Variants in SEC23A observed in about 807,000 individuals in gnomAD.
SEC23A encodes the protein protein transport protein Sec23A.
Under a neutral mutation model 103.7 loss-of-function variants are expected in SEC23A, and 56 were observed. That is an observed-to-expected ratio of 0.54 (90% CI 0.44 to 0.67). The LOEUF (loss-of-function observed/expected upper bound fraction) is 0.67, where lower values mean the gene tolerates loss of function less well. SEC23A is among the 30% of genes least tolerant of loss of function. The probability of loss-of-function intolerance (pLI) is 0.00; values close to 1 mark genes in which losing one functional copy is unlikely to be tolerated. For missense variants in SEC23A, 784 were observed against 936.4 expected, an observed-to-expected ratio of 0.84 and a Z score of 2.12; for synonymous variants, 281 against 293.0, an observed-to-expected ratio of 0.96 and a Z score of 0.42.
chr14:39,071,732 T>G (rs1158809683), intron 9 of SEC23A, among the ~76,000 whole-genome samples: 1 of 150,108 alleles, frequency 6.7e-6, no homozygotes, highest in African/African-American at 2.5e-5. Flanking sequence ...TTGGGCGTGG[T>G]GGCAGGCGCT....
intron 1 of SEC23A, among the ~76,000 whole-genome samples, chr14:39,096,588 GCA>G: frequency 6.6e-6 from 1 of 151,202 alleles, no homozygotes; most frequent in African/African-American, 2.4e-5. Flanking sequence ...AAATTAGCAA[GCA>G]ACTCATAACA....
chr14:39,070,951 C>T (rs1886821816), intron 9 of SEC23A, among the ~76,000 whole-genome samples: 1 of 152,084 alleles, frequency 6.6e-6, no homozygotes, highest in South Asian at 2.1e-4. Flanking sequence ...CACTTGAACC[C>T]AGGGGGCGGA....
At chr14:39,080,872 TA>T (rs199533039) in intron 7 of SEC23A, among the ~76,000 whole-genome samples, 8 of 148,874 alleles carry the variant, frequency 5.4e-5, no homozygotes, top group South Asian at 2.1e-4. Flanking sequence ...CCCTACAAGA[TA>T]AAAAAAAAAT....
chr14:39,064,691 C>G (rs1886596183), intron 11 of SEC23A: 1 of 545,696 alleles, frequency 1.8e-6, no homozygotes, highest in South Asian at 2.1e-5. Flanking sequence ...TAGGCTGCCA[C>G]CCCAAGTTTT....
At chr14:39,062,791 A>C (rs1041532631) in intron 12 of SEC23A, among the ~76,000 whole-genome samples, 1 of 152,088 alleles carries the variant, frequency 6.6e-6, no homozygotes, top group Non-Finnish European at 1.5e-5. Context: ...TTTTATGGCT[A>C]AAAACTATTA....
intron 14 of SEC23A, among the ~76,000 whole-genome samples, chr14:39,050,122 C>T (rs1373361093): frequency 2.0e-5 from 3 of 152,102 alleles, no homozygotes; most frequent in African/African-American, 4.8e-5. Flanking sequence ...ACTTGAGTCA[C>T]GAGGAGCAGT....
chr14:39,065,997 C>CAAAAAAAAAAAAAAAAAA (rs59260008), intron 10 of SEC23A, among the ~76,000 whole-genome samples: 16 of 80,496 alleles, frequency 2.0e-4, no homozygotes, highest in Admixed American at 4.3e-4. Context: ...AACTCCATCT[C>CAAAAAAAAAAAAAAAAAA]AAAAAAAAAA....
In SEC23A at chr14:39,041,197, C is replaced by T. The variant is rs1195946665; in HGVS notation, c.1987-310G>A. 2.3e-5 allele frequency: 5 copies of T among 219,734 alleles called. No homozygotes were observed. The East Asian group carries it at 4.9e-4, about 22-fold the overall frequency. 13.6% of individuals were successfully genotyped at this position (219,734 alleles called of 1,614,324 possible). A position where few individuals can be genotyped will look rare whatever the true frequency, so the allele number is the denominator to read the frequency against. ...TACCTAAGCTTATGATACGTGAAAG[C>T]AATTGAATCAATCCATAGGTAAGTA... On this transcript the variant is annotated intron_variant, in intron 17 of 19. Transcript: ENST00000307712.
chr14:39,083,810 C>A (rs1017338965), intron 7 of SEC23A, among the ~76,000 whole-genome samples: 25 of 151,748 alleles, frequency 1.6e-4, no homozygotes, highest in African/African-American at 6.0e-4. Context: ...AGAGATCCAC[C>A]CACCTCGGCC....
In SEC23A at chr14:39,094,426, ATATATATATATATATATTTTTTTT is replaced by A. The variant is rs1263580803; in HGVS notation, c.222-1206_222-1183del. Among the ~76,000 whole-genome samples, 377 of 49,680 alleles carry A rather than the reference ATATATATATATATATATTTTTTTT, an allele frequency of 7.6e-3. 58 individuals are homozygous for A. Among genetic ancestry groups the A allele is most frequent in the Middle Eastern group, 0.041 (3 of 74 alleles). 32.6% of individuals were successfully genotyped at this position (49,680 alleles called of 152,430 possible). A position where few individuals can be genotyped will look rare whatever the true frequency, so the allele number is the denominator to read the frequency against. ...TATATATATATATATATATATATAT[ATATATATATATATATATTTTTTTT>A]TTTTTTTTTTCCCCTCCTGTAGAAA... On this transcript the variant is annotated intron_variant, in intron 2 of 19. Coordinates refer to ENST00000307712, the MANE Select transcript of SEC23A (RefSeq NM_006364.4).
chr14:39,057,300 T>C (rs1228998482), intron 13 of SEC23A, among the ~76,000 whole-genome samples: 1 of 70,834 alleles, frequency 1.4e-5, no homozygotes, highest in African/African-American at 5.7e-5. Flanking sequence ...AGCGAGACTT[T>C]GTCTCAAAAA....
At chr14:39,097,408 G>C (rs1018600037) in intron 1 of SEC23A, among the ~76,000 whole-genome samples, 5 of 152,290 alleles carry the variant, frequency 3.3e-5, no homozygotes, top group African/African-American at 1.2e-4. Context: ...AGGGTGCCTG[G>C]AAAACCCAAC....
At chr14:39,041,169 A>G (rs774801981) in intron 17 of SEC23A, 7 of 271,178 alleles carry the variant, frequency 2.6e-5, no homozygotes, top group Non-Finnish European at 4.9e-5. Flanking sequence ...GCTAAAAGCT[A>G]TCTACCTAAG....
At position 39,044,690 on chromosome 14, in the gene SEC23A, T is replaced by C. The variant is rs576128879; in HGVS notation, c.1899+473A>G. On this transcript the variant is annotated intron_variant, in intron 16 of 19. Transcript: ENST00000307712. ...GATAACTTTATCAATCTTCTAAGCA[T>C]GTGTCTTTATAATCAACTATTTTTT... 2.7e-4 allele frequency among the ~76,000 whole-genome samples: 41 copies of C among 152,326 alleles called. No homozygotes were observed. In the South Asian group the frequency reaches 8.3e-3, roughly 31 times the overall value.
chr14:39,098,013 G>A (rs372973344), intron 1 of SEC23A, among the ~76,000 whole-genome samples: 3 of 151,932 alleles, frequency 2.0e-5, no homozygotes, highest in Admixed American at 6.6e-5. Flanking sequence ...CGCTTGAACT[G>A]GGGGGGCAGA....
At chr14:39,061,906 AT>A in intron 12 of SEC23A, 35 bp from the exon 13 acceptor site, 2 of 1,320,880 alleles carry the variant, frequency 1.5e-6, no homozygotes, top group South Asian at 1.2e-5. Flanking sequence ...CCTAAGCAAA[AT>A]TTACTATGCT....
intron 9 of SEC23A, among the ~76,000 whole-genome samples, chr14:39,072,171 C>A (rs1348237547): frequency 1.3e-5 from 2 of 151,158 alleles, no homozygotes; most frequent in Non-Finnish European, 2.9e-5. Flanking sequence ...GGCAGAAGTT[C>A]CAGTGAGCCT....
intron 16 of SEC23A, among the ~76,000 whole-genome samples, chr14:39,044,741 T>C (rs989404347): frequency 6.6e-6 from 1 of 152,116 alleles, no homozygotes; most frequent in African/African-American, 2.4e-5. Flanking sequence ...CAAAGGAAAA[T>C]GAGATTAAAA....
chr14:39,084,692 C>T (rs1566507480), intron 7 of SEC23A, among the ~76,000 whole-genome samples: 1 of 151,842 alleles, frequency 6.6e-6, no homozygotes, highest in South Asian at 2.1e-4. Context: ...TTTTTTGAGA[C>T]GGAGTCTCAC....
Sources: allele counts gnomAD v4.1 joint callset (sites outside exome capture counted in the v4.1 genomes callset), GRCh38; gene constraint gnomAD v4.1.1; transcripts MANE v1.5; gene names NCBI Gene and HGNC (gene_info 2026-07-23, HGNC 2026-07-21).